FAM227B: variants seen among roughly 807,000 people sequenced by gnomAD.
The protein encoded by FAM227B is family with sequence similarity 227 member B.
FAM227B carries 88 observed loss-of-function variants against 73.8 expected under a neutral mutation model. The observed-to-expected ratio is 1.19, with a 90% CI of 1.00 to 1.42. The LOEUF (loss-of-function observed/expected upper bound fraction) is 1.42. FAM227B is among the 40% of genes most tolerant of loss of function. FAM227B has a pLI of 0.00. For missense variants in FAM227B, 632 were observed against 590.9 expected, an observed-to-expected ratio of 1.07 and a Z score of -0.72; for synonymous variants, 210 against 190.5, an observed-to-expected ratio of 1.10 and a Z score of -0.84.
intron 11 of FAM227B, chr15:49,489,422 C>T (rs2056686260): frequency 1.0e-6 from 1 of 966,220 alleles, no homozygotes; most frequent in Non-Finnish European, 1.2e-6. Flanking sequence ...AAGGTTTGAA[C>T]CAATCTGGAC....
chr15:49,498,639 T>A (rs2057839204), intron 11 of FAM227B, among the ~76,000 whole-genome samples: 1 of 152,176 alleles, frequency 6.6e-6, no homozygotes, highest in African/African-American at 2.4e-5. Context: ...ATAAAATATA[T>A]AATACACTTT....
At chr15:49,474,148 T>C (rs1279137857) in intron 11 of FAM227B, among the ~76,000 whole-genome samples, 1 of 152,180 alleles carries the variant, frequency 6.6e-6, no homozygotes, top group East Asian at 1.9e-4. Context: ...AATACATTTA[T>C]GGTCTATATC....
chr15:49,375,886 ATCTT>A (rs1405913307), intron 11 of FAM227B, among the ~76,000 whole-genome samples: 6 of 152,098 alleles, frequency 3.9e-5, no homozygotes, highest in Non-Finnish European at 5.9e-5. Flanking sequence ...AATTGAGACT[ATCTT>A]TATTTTATAA....
chr15:49,379,872 C>T (rs1227221152), intron 11 of FAM227B, among the ~76,000 whole-genome samples: 1 of 152,244 alleles, frequency 6.6e-6, no homozygotes, highest in South Asian at 2.1e-4. Flanking sequence ...TGCTCAAGGC[C>T]GGCTGTAACC....
In FAM227B at chr15:49,513,539, C is replaced by T. The variant is rs1467365081; in HGVS notation, c.875-5191G>A. On this transcript the variant is annotated intron_variant, in intron 10 of 15. Coordinates refer to ENST00000299338, the MANE Select transcript of FAM227B (RefSeq NM_152647.3). ...TAGGTAGCTTGCAAAAATTTTCTCC[C>T]GTTCTGTAGGTTGCCTGTTTGCTCT... Among the ~76,000 whole-genome samples the T allele has an allele frequency of 4.6e-5, 7 of 152,194 alleles. No homozygotes were observed. The East Asian group carries it at 9.6e-4, about 21-fold the overall frequency.
chr15:49,464,016 A>T (rs1385705331), intron 11 of FAM227B, among the ~76,000 whole-genome samples: 1 of 152,102 alleles, frequency 6.6e-6, no homozygotes, highest in Non-Finnish European at 1.5e-5. Flanking sequence ...CACTTTTTAA[A>T]ACCTGGCTTT....
intron 10 of FAM227B, among the ~76,000 whole-genome samples, chr15:49,541,021 C>A (rs2152270547): frequency 6.6e-6 from 1 of 151,998 alleles, no homozygotes; most frequent in East Asian, 1.9e-4. Flanking sequence ...TTTTAAAAAT[C>A]AAATAACATT....
chr15:49,562,358 A>G (rs1043110499), intron 9 of FAM227B, among the ~76,000 whole-genome samples: 1 of 152,004 alleles, frequency 6.6e-6, no homozygotes, highest in East Asian at 1.9e-4. Flanking sequence ...AGTAATAATA[A>G]TAATAAAAAC....
intron 11 of FAM227B, among the ~76,000 whole-genome samples, chr15:49,380,698 CT>C (rs551206481): frequency 3.2e-4 from 49 of 151,988 alleles, no homozygotes; most frequent in African/African-American, 1.1e-3. Context: ...AAGTCCTTTA[CT>C]TTTTTTTCTA....
intron 11 of FAM227B, among the ~76,000 whole-genome samples, chr15:49,421,880 C>T (rs2049661318): frequency 6.6e-6 from 1 of 152,124 alleles, no homozygotes. Context: ...TTCTAGCTTT[C>T]AACAGATGCA....
chr15:49,551,757 C>G (rs1453605055), intron 9 of FAM227B, among the ~76,000 whole-genome samples: 3 of 152,044 alleles, frequency 2.0e-5, no homozygotes, highest in Non-Finnish European at 4.4e-5. Flanking sequence ...TGTGTATCTA[C>G]TGTATGTTTT....
intron 8 of FAM227B, among the ~76,000 whole-genome samples, chr15:49,569,950 G>T (rs1314201565): frequency 3.3e-5 from 5 of 151,868 alleles, no homozygotes; most frequent in African/African-American, 1.2e-4. Flanking sequence ...CAAATGTTAG[G>T]ATTTCCTTTT....
Position 49,615,194 on chromosome 15 carries a change from G to A in FAM227B, c.-23C>T. 6.2e-7 allele frequency: 1 copy of A among 1,613,072 alleles called. No individual in the cohort carries two copies. Among genetic ancestry groups the A allele is most frequent in the Non-Finnish European group, 8.5e-7 (1 of 1,179,040 alleles). ...CATGGTACAGTAACTTTGCAGAAAT[G>A]AAGAGAAATCAGCTGGGTCTTAGGC... On this transcript the variant is annotated 5_prime_UTR_variant, in exon 2 of 16. Transcript: ENST00000299338.
intron 11 of FAM227B, among the ~76,000 whole-genome samples, chr15:49,416,772 GA>G (rs2049241801): frequency 1.3e-5 from 2 of 149,846 alleles, no homozygotes. Context: ...CACACACATA[GA>G]CACACACACA....
At chr15:49,380,692 CCTTTA>C (rs1354092120) in intron 11 of FAM227B, among the ~76,000 whole-genome samples, 1 of 152,036 alleles carries the variant, frequency 6.6e-6, no homozygotes, top group Non-Finnish European at 1.5e-5. Context: ...ACTTCAAAGT[CCTTTA>C]CTTTTTTTTC....
chr15:49,370,571 T>C (rs926428598), intron 12 of FAM227B, among the ~76,000 whole-genome samples: 2 of 152,204 alleles, frequency 1.3e-5, no homozygotes, highest in Middle Eastern at 3.2e-3. Flanking sequence ...GGTTATTAAA[T>C]ACCGGGAAAA....
intron 8 of FAM227B, among the ~76,000 whole-genome samples, chr15:49,570,793 T>C (rs1410093952): frequency 1.3e-5 from 2 of 148,784 alleles, no homozygotes; most frequent in African/African-American, 4.9e-5. Context: ...AATTACAGGA[T>C]ATCCTTCTTT....
At chr15:49,360,796 G>A (rs1244881818) in intron 13 of FAM227B, among the ~76,000 whole-genome samples, 1 of 152,044 alleles carries the variant, frequency 6.6e-6, no homozygotes, top group Non-Finnish European at 1.5e-5. Flanking sequence ...ACATTAACTA[G>A]TAAACAAGTT....
intron 11 of FAM227B, among the ~76,000 whole-genome samples, chr15:49,461,047 A>G (rs1005308550): frequency 1.3e-5 from 2 of 152,066 alleles, no homozygotes; most frequent in Admixed American, 1.3e-4. Context: ...ACTACCCTTC[A>G]TCCCACCTCT....
Sources: allele counts gnomAD v4.1 joint callset (sites outside exome capture counted in the v4.1 genomes callset), GRCh38; gene constraint gnomAD v4.1.1; transcripts MANE v1.5; gene names NCBI Gene and HGNC (gene_info 2026-07-23, HGNC 2026-07-21).